Variants in TMTC3 observed in about 807,000 individuals in gnomAD.
The protein encoded by TMTC3 is protein O-mannosyl-transferase TMTC3.
TMTC3 carries 52 observed loss-of-function variants against 92.2 expected under a neutral mutation model. That is an observed-to-expected ratio of 0.56 (90% CI 0.45 to 0.71). The LOEUF (loss-of-function observed/expected upper bound fraction) is 0.71, where lower values mean the gene tolerates loss of function less well. TMTC3 is among the 30% of genes least tolerant of loss of function. TMTC3 has a pLI of 0.00. For synonymous variants in TMTC3, 339 were observed against 363.3 expected, an observed-to-expected ratio of 0.93 and a Z score of 0.76; for missense variants, 896 against 1,057.1, an observed-to-expected ratio of 0.85 and a Z score of 2.11.
At chr12:88,191,174 A>G (rs1247016762) in intron 12 of TMTC3, among the ~76,000 whole-genome samples, 4 of 152,212 alleles carry the variant, frequency 2.6e-5, no homozygotes, top group African/African-American at 9.6e-5. Flanking sequence ...CCTGGTCCAG[A>G]AAACTAATAG....
At position 88,154,292 on chromosome 12, in the gene TMTC3, CAGG is replaced by C; in HGVS notation, c.416_418del (p.Gly139del). 1 of 1,601,908 alleles carries C rather than the reference CAGG, an allele frequency of 6.2e-7. No homozygotes were observed. The highest frequency in any genetic ancestry group is 8.5e-7 in the Non-Finnish European group (1 of 1,176,016). On this transcript the variant is annotated inframe_deletion, in exon 4 of 14. Transcript: ENST00000266712. Reference sequence around the variant, plus strand: ...CCCTTCATTTTTCCTTTCTAGGTAACAGGAGTTGTTGGAAGAGCAGAACTTTTG... The same window carrying C: ...CCCTTCATTTTTCCTTTCTAGGTAACAGTTGTTGGAAGAGCAGAACTTTTG...
At chr12:88,189,651 T>TC (rs1292855318) in intron 11 of TMTC3, among the ~76,000 whole-genome samples, 1 of 152,154 alleles carries the variant, frequency 6.6e-6, no homozygotes, top group Admixed American at 6.5e-5. Flanking sequence ...TATAAGGTAG[T>TC]ATCGAAATTG....
chr12:88,174,925 C>T (rs1211006028), intron 9 of TMTC3, among the ~76,000 whole-genome samples, 198 bp downstream of exon 9: 1 of 151,962 alleles, frequency 6.6e-6, no homozygotes, highest in African/African-American at 2.4e-5. Context: ...GCTATATGTC[C>T]AAAGCATATA....
chr12:88,157,402 A>G (rs1012797103), intron 4 of TMTC3, among the ~76,000 whole-genome samples: 2 of 151,754 alleles, frequency 1.3e-5, no homozygotes, highest in Non-Finnish European at 2.9e-5. Flanking sequence ...TTCATGTCCC[A>G]TACCCCTTTT....
Position 88,197,653 on chromosome 12 carries a change from T to C in TMTC3, c.*2004T>C, listed in dbSNP as rs1307477791. 6.6e-6 allele frequency: 1 copy of C among 151,978 alleles called. No individual in the cohort carries two copies. The highest frequency in any genetic ancestry group is 1.5e-5 in the Non-Finnish European group (1 of 67,882). 9.4% of individuals were successfully genotyped at this position (151,978 alleles called of 1,614,324 possible). On this transcript the variant is annotated 3_prime_UTR_variant, in exon 14 of 14. Transcript: ENST00000266712. Reference sequence around the variant, plus strand: ...ATAAAAATGTATCAATGTTATCCAATGATTTTTATTAAAAAATTACCTTAT... The same window carrying C: ...ATAAAAATGTATCAATGTTATCCAACGATTTTTATTAAAAAATTACCTTAT...
rs1472273226 is a variant in TMTC3, at chr12:88,160,759, A to T, written c.705A>T (p.Thr235=). Reference sequence around the variant, plus strand: ...GCATTCCATTTTCTATGCTGCAGACACTAGTAAAACTCATTGTCTTGATGT... The same window carrying T: ...GCATTCCATTTTCTATGCTGCAGACTCTAGTAAAACTCATTGTCTTGATGT... ...KGSIPFSMLQ[T]LVKLIVLMFS... is the part of the protein sequence containing the mutation. Residue 235 remains threonine (T), a synonymous_variant, in exon 6 of 14, where the codon ACA becomes ACT. Transcript: ENST00000266712. 1 of 1,613,660 alleles carries T rather than the reference A, an allele frequency of 6.2e-7. No individual in the cohort carries two copies. The highest frequency in any genetic ancestry group is 1.1e-5 in the South Asian group (1 of 91,058).
intron 10 of TMTC3, among the ~76,000 whole-genome samples, chr12:88,183,118 T>C (rs2041336743): frequency 6.6e-6 from 1 of 152,130 alleles, no homozygotes; most frequent in African/African-American, 2.4e-5. Flanking sequence ...TTTTAATTGC[T>C]CCTCAACTAA....
At position 88,198,766 on chromosome 12, in the gene TMTC3, G is replaced by C. The variant is rs1347375310; in HGVS notation, c.*3117G>C. 1 of 180,340 alleles carries C rather than the reference G, an allele frequency of 5.5e-6. No individual in the cohort carries two copies. The highest frequency in any genetic ancestry group is 2.3e-5 in the African/African-American group (1 of 42,716). The allele number at this position is 180,340 out of a possible 1,614,324, so 11.2% of individuals were successfully genotyped here. On this transcript the variant is annotated 3_prime_UTR_variant, in exon 14 of 14. Coordinates refer to ENST00000266712, the MANE Select transcript of TMTC3 (RefSeq NM_181783.4). The stretch of plus-strand genomic sequence containing the variant: ...ATTAAGAAAATATATAGATTTGTAT[G>C]TCAGTTTATACTTCAGAAATCCATA...
In TMTC3 at chr12:88,198,736, A is replaced by C. The variant is rs991125190; in HGVS notation, c.*3087A>C. On this transcript the variant is annotated 3_prime_UTR_variant, in exon 14 of 14. Coordinates refer to ENST00000266712, the MANE Select transcript of TMTC3 (RefSeq NM_181783.4). ...GAATGCTTTAAAGATGCTTTAATGAAAAGTATTAAGAAAATATATAGATTT... is the reference window on the plus strand; with the variant it reads ...GAATGCTTTAAAGATGCTTTAATGACAAGTATTAAGAAAATATATAGATTT... 1 of 229,782 alleles carries C rather than the reference A, an allele frequency of 4.4e-6. No homozygotes were observed. Among genetic ancestry groups the C allele is most frequent in the South Asian group, 1.8e-4 (1 of 5,526 alleles). The allele number at this position is 229,782 out of a possible 1,614,324, so 14.2% of individuals were successfully genotyped here. A position where few individuals can be genotyped will look rare whatever the true frequency, so the allele number is the denominator to read the frequency against.
In TMTC3 at chr12:88,170,556, T is replaced by C. The variant is rs138724697; in HGVS notation, c.1051-2041T>C. 4.0e-3 allele frequency among the ~76,000 whole-genome samples: 610 copies of C among 152,292 alleles called. 6 individuals carry two copies. The highest frequency in any genetic ancestry group is 0.014 in the African/African-American group (572 of 41,574). ...TTTGATGGTAGTGATTTTCCTCAGATTCAGTGTTGCCTTATTACAAATCAT... is the reference window on the plus strand; with the variant it reads ...TTTGATGGTAGTGATTTTCCTCAGACTCAGTGTTGCCTTATTACAAATCAT... On this transcript the variant is annotated intron_variant, in intron 7 of 13. Transcript: ENST00000266712.
chr12:88,166,114 C>T (rs1364958500), intron 6 of TMTC3, among the ~76,000 whole-genome samples: 1 of 152,122 alleles, frequency 6.6e-6, no homozygotes, highest in African/African-American at 2.4e-5. Context: ...GCCTTTCAAA[C>T]AGTCCTTCAT....
chr12:88,190,696 G>A, intron 12 of TMTC3, 74 bp downstream of exon 12: 3 of 1,448,798 alleles, frequency 2.1e-6, no homozygotes, highest in Admixed American at 2.1e-5. Context: ...TGAATGAATT[G>A]GTTTTTTTTG....
chr12:88,146,613 ATATATATATATACATATATATG>A (rs1217386215), intron 1 of TMTC3, among the ~76,000 whole-genome samples: 3 of 67,074 alleles, frequency 4.5e-5, no homozygotes, highest in East Asian at 1.6e-3. Flanking sequence ...GTGTGTGTGT[ATATATATATATACATATATATG>A]TATATATATG....
At chr12:88,180,668 A>T (rs969928190) in intron 10 of TMTC3, among the ~76,000 whole-genome samples, 1 of 152,048 alleles carries the variant, frequency 6.6e-6, no homozygotes, top group Non-Finnish European at 1.5e-5. Context: ...CAGGTGCTGC[A>T]GGGTCGTTTC....
At chr12:88,159,851 C>T (rs1285609018) in intron 4 of TMTC3, among the ~76,000 whole-genome samples, 4 of 152,028 alleles carry the variant, frequency 2.6e-5, no homozygotes, top group African/African-American at 7.2e-5. Flanking sequence ...AAATTCACCA[C>T]CCTACCTTTG....
intron 12 of TMTC3, 69 bp downstream of exon 12, chr12:88,190,691 GA>G (rs2041432681): frequency 1.4e-6 from 2 of 1,473,376 alleles, no homozygotes; most frequent in African/African-American, 2.8e-5. Flanking sequence ...CATTTTGAAT[GA>G]ATTGGTTTTT....
At chr12:88,190,341 T>C (rs766302146) in intron 11 of TMTC3, 112 bp from the exon 12 acceptor site, 60 of 889,750 alleles carry the variant, frequency 6.7e-5, no homozygotes, top group Middle Eastern at 6.1e-4. Flanking sequence ...CTCAGTCCAG[T>C]GTATTTTTTA....
chr12:88,185,733 C>CTTTTTTT (rs2041370324), intron 10 of TMTC3, among the ~76,000 whole-genome samples: 1 of 148,968 alleles, frequency 6.7e-6, no homozygotes, highest in Admixed American at 6.6e-5. Context: ...TCTTCATTTG[C>CTTTTTTT]TGAGAATTTT....
At chr12:88,147,600 C>G (rs2040890830) in intron 1 of TMTC3, among the ~76,000 whole-genome samples, 1 of 151,910 alleles carries the variant, frequency 6.6e-6, no homozygotes, top group African/African-American at 2.4e-5. Flanking sequence ...TTTTTGAGAC[C>G]TTTAATGACT....
Sources: allele counts gnomAD v4.1 joint callset (sites outside exome capture counted in the v4.1 genomes callset), GRCh38; gene constraint gnomAD v4.1.1; transcripts MANE v1.5; gene names NCBI Gene and HGNC (gene_info 2026-07-23, HGNC 2026-07-21).